Variants in ZNF33B observed in about 807,000 individuals in gnomAD.
ZNF33B encodes the protein zinc finger protein 33B.
ZNF33B carries 29 observed loss-of-function variants against 45.8 expected under a neutral mutation model. The observed-to-expected ratio is 0.63, with a 90% CI of 0.47 to 0.86. The LOEUF is 0.86. Ranked by LOEUF, ZNF33B falls within the 40% of genes least tolerant of loss-of-function variation. The probability of loss-of-function intolerance (pLI) is 0.00; values close to 1 mark genes in which losing one functional copy is unlikely to be tolerated. For missense variants in ZNF33B, 831 were observed against 909.9 expected (o/e 0.91, Z 1.12); for synonymous variants, 305 against 307.8 (o/e 0.99, Z 0.10).
chr10:42,585,706 T>C (rs1836920654), downstream of ZNF33B, among the ~76,000 whole-genome samples: 1 of 152,220 alleles, frequency 6.6e-6, no homozygotes, highest in African/African-American at 2.4e-5. Context: ...AGGATATTCA[T>C]CTTCTGACAC....
Position 42,593,915 on chromosome 10 carries a change from A to G in ZNF33B, c.1035T>C (p.Thr345=). 1 of 1,613,886 alleles carries G rather than the reference A, an allele frequency of 6.2e-7. No individual in the cohort carries two copies. Among genetic ancestry groups the G allele is most frequent in the South Asian group, 1.1e-5 (1 of 91,078 alleles). The change falls in exon 5 of 5, where the codon ACT becomes ACC. Residue 345 remains threonine, a synonymous_variant. Coordinates refer to ENST00000359467, the MANE Select transcript of ZNF33B (RefSeq NM_006955.3). ...CTCCTGTGTGCACCCTCTGATGTCGAGTGAGATGTGACTTCTCCCAGAAAG... is the reference window on the plus strand; with the variant it reads ...CTCCTGTGTGCACCCTCTGATGTCGGGTGAGATGTGACTTCTCCCAGAAAG... The part of the protein sequence containing the change: ...GKAFWEKSHL[T]RHQRVHTGEK...
chr10:42,635,422 T>G (rs879524187), intron 2 of ZNF33B, among the ~76,000 whole-genome samples: 1 of 152,184 alleles, frequency 6.6e-6, no homozygotes, highest in Non-Finnish European at 1.5e-5. Context: ...GGCAATGTTT[T>G]TTTTGACGTA....
Position 42,593,721 on chromosome 10 carries a change from T to G in ZNF33B, c.1229A>C (p.Glu410Ala), listed in dbSNP as rs1382174699. Residue 410 changes from glutamate to alanine, a missense_variant, in exon 5 of 5, where the codon GAG becomes GCG. Transcript: ENST00000359467. ...LTLHQRTHTGEKPYQCNACGK... is the reference protein window; with the variant it reads ...LTLHQRTHTGAKPYQCNACGK... ...ACATGCATTACACTGATAGGGTTTC[T>G]CCCCTGTATGTGTTCTCTGGTGTAA... The G allele has an allele frequency of 7.4e-6, 12 of 1,613,538 alleles. No individual in the cohort carries two copies. Among genetic ancestry groups the G allele is most frequent in the Non-Finnish European group, 9.3e-6 (11 of 1,179,692 alleles).
chr10:42,584,464 A>G (rs1836888824), downstream of ZNF33B, among the ~76,000 whole-genome samples: 2 of 151,518 alleles, frequency 1.3e-5, no homozygotes, highest in South Asian at 2.1e-4. Context: ...ACGTGCTCAC[A>G]TGGACACACC....
Position 42,592,569 on chromosome 10 carries a change from C to T in ZNF33B, c.*44G>A. The T allele has an allele frequency of 2.5e-6, 4 of 1,584,926 alleles. No homozygotes were observed. The highest frequency in any genetic ancestry group is 3.4e-6 in the Non-Finnish European group (4 of 1,165,634). ...TCTCCACAGTGTGAAGACTCTGAGG[C>T]ATTATGGAGGCTGACTTGTGGCTGG... On this transcript the variant is annotated 3_prime_UTR_variant, in exon 5 of 5. Coordinates refer to ENST00000359467, the MANE Select transcript of ZNF33B (RefSeq NM_006955.3).
intron 4 of ZNF33B, among the ~76,000 whole-genome samples, chr10:42,612,465 A>C (rs1342173110): frequency 6.6e-6 from 1 of 152,062 alleles, no homozygotes. Context: ...CGAACTCCTC[A>C]CATCAGGTGA....
intron 1 of ZNF33B, among the ~76,000 whole-genome samples, chr10:42,576,313 C>T (rs1410631333): frequency 6.6e-6 from 1 of 152,102 alleles, no homozygotes; most frequent in Non-Finnish European, 1.5e-5. Context: ...ATCATAGGTA[C>T]TAATACATAT....
At chr10:42,637,582 A>C (rs1167435396) in intron 1 of ZNF33B, among the ~76,000 whole-genome samples, 4 of 152,256 alleles carry the variant, frequency 2.6e-5, no homozygotes, top group African/African-American at 9.6e-5. Flanking sequence ...TGAACAAGTC[A>C]GTAACCTTGA....
intron 4 of ZNF33B, chr10:42,614,473 T>A (rs1458766893): frequency 6.6e-6 from 1 of 152,484 alleles, no homozygotes. Flanking sequence ...CTTTAGTCAA[T>A]AATCATGTAC....
At chr10:42,614,334 G>A (rs1036248462) in intron 4 of ZNF33B, 3 of 154,382 alleles carry the variant, frequency 1.9e-5, no homozygotes, top group Admixed American at 6.5e-5. Flanking sequence ...GGAAAGTCTG[G>A]GAAACCACCA....
intron 4 of ZNF33B, among the ~76,000 whole-genome samples, chr10:42,607,143 A>G (rs1837895439): frequency 6.6e-6 from 1 of 152,160 alleles, no homozygotes; most frequent in African/African-American, 2.4e-5. Flanking sequence ...AGAAGAGGAA[A>G]TAGAGCTATA....
intron 2 of ZNF33B, among the ~76,000 whole-genome samples, 182 bp from the exon 3 acceptor site, chr10:42,632,621 C>A (rs1839112045): frequency 6.6e-6 from 1 of 152,186 alleles, no homozygotes; most frequent in South Asian, 2.1e-4. Flanking sequence ...CAAGTTCCCA[C>A]AATGTACCTG....
downstream of ZNF33B, among the ~76,000 whole-genome samples, chr10:42,586,645 A>G (rs944605679): frequency 1.3e-5 from 2 of 152,250 alleles, no homozygotes; most frequent in Non-Finnish European, 2.9e-5. Context: ...ACACACAGTC[A>G]TAATAGTCTC....
chr10:42,587,012 G>A (rs1267789716), downstream of ZNF33B, among the ~76,000 whole-genome samples: 1 of 152,092 alleles, frequency 6.6e-6, no homozygotes, highest in Non-Finnish European at 1.5e-5. Flanking sequence ...TTCCTCTTGA[G>A]GGGAGTGACA....
intron 4 of ZNF33B, among the ~76,000 whole-genome samples, chr10:42,622,460 CAGTG>C (rs1300214280): frequency 2.0e-5 from 3 of 152,346 alleles, no homozygotes; most frequent in African/African-American, 7.2e-5. Context: ...ATAATCCAAA[CAGTG>C]GGTCATGTCA....
downstream of ZNF33B, among the ~76,000 whole-genome samples, chr10:42,584,380 A>G (rs1298804810): frequency 6.6e-6 from 1 of 152,130 alleles, no homozygotes; most frequent in Non-Finnish European, 1.5e-5. Flanking sequence ...AGCCCACCTT[A>G]GGCAATGGTG....
chr10:42,582,774 G>T, intron 1 of ZNF33B: 1 of 200,802 alleles, frequency 5.0e-6, no homozygotes, highest in Non-Finnish European at 1.0e-5. Context: ...TGGCTGCAGT[G>T]TGGACGCTCC....
intron 1 of ZNF33B, 116 bp downstream of exon 1, chr10:42,638,358 C>T (rs1839440761): frequency 1.6e-5 from 5 of 315,520 alleles, no homozygotes; most frequent in South Asian, 1.3e-4. Flanking sequence ...CCGTCCCCGG[C>T]TTCTCCGTGA....
At chr10:42,575,506 C>A (rs1458071387) in intron 1 of ZNF33B, among the ~76,000 whole-genome samples, 1 of 151,890 alleles carries the variant, frequency 6.6e-6, no homozygotes, top group African/African-American at 2.4e-5. Context: ...TGATTTCAGG[C>A]CTAGGAAGCT....
Sources: gnomAD v4.1 joint callset for allele counts (sites outside exome capture counted in the v4.1 genomes callset) on GRCh38, gnomAD v4.1.1 for gene constraint, MANE v1.5 for transcripts, NCBI Gene and HGNC (gene_info 2026-07-23, HGNC 2026-07-21) for gene names.